The following SLC1A3 variants were observed in gnomAD, a reference collection of about 807,000 sequenced individuals.
SLC1A3 encodes the protein excitatory amino acid transporter 1.
In SLC1A3, 21 loss-of-function variants were observed where a neutral mutation model predicts 48.1. The observed-to-expected ratio is 0.44, with a 90% confidence interval of 0.31 to 0.63. SLC1A3 has a LOEUF of 0.63. SLC1A3 is among the 20% of genes least tolerant of loss of function. The probability of loss-of-function intolerance (pLI) is 0.08; values close to 1 mark genes in which losing one functional copy is unlikely to be tolerated. For synonymous variants in SLC1A3, 239 were observed against 251.4 expected (o/e 0.95, Z 0.47); for missense variants, 546 against 689.0 (o/e 0.79, Z 2.32).
chr5:36,686,053 C>T lies in SLC1A3; in HGVS notation c.1425-12C>T, dbSNP rs1368989772. 6 of 1,613,148 alleles carry T rather than the reference C, an allele frequency of 3.7e-6. No individual in the cohort carries two copies. The East Asian group carries it at 8.9e-5, about 24-fold the overall frequency. ...GAGCCTCGTTTTTCCCTCCTCCCCA[C>T]CCTGCCTGCAGGGATCGCCTCCGGA... is the stretch of plus-strand genomic sequence containing the variant. On this transcript the variant is annotated splice_polypyrimidine_tract_variant and intron_variant, in intron 9 of 9. Transcript: ENST00000265113.
upstream of SLC1A3, among the ~76,000 whole-genome samples, chr5:36,601,947 TA>T (rs928299044): frequency 6.6e-6 from 1 of 152,174 alleles, no homozygotes; most frequent in African/African-American, 2.4e-5. Flanking sequence ...TTCTGGTTCC[TA>T]AGTATGCAGT....
intron 3 of SLC1A3, among the ~76,000 whole-genome samples, chr5:36,638,597 T>C (rs552444811): frequency 6.6e-6 from 1 of 152,218 alleles, no homozygotes; most frequent in East Asian, 1.9e-4. Flanking sequence ...ACTAGGACCA[T>C]GTTTGATGTA....
At position 36,686,230 on chromosome 5, in the gene SLC1A3, T is replaced by A. The variant is rs759424705; in HGVS notation, c.1590T>A (p.Asn530Lys). ...CATATCAACTGATTGCACAGGACAA[T>A]GAAACTGAGAAACCCATCGACAGTG... ...KKPYQLIAQDNETEKPIDSET... is the reference protein window; with the variant it reads ...KKPYQLIAQDKETEKPIDSET... The change falls in exon 10 of 10, where the codon AAT becomes AAA. Residue 530 changes from asparagine (N) to lysine (K), a missense_variant. Asn to Lys is a moderately conservative substitution (Grantham distance 94). Coordinates refer to ENST00000265113, the MANE Select transcript of SLC1A3 (RefSeq NM_004172.5). The A allele has an allele frequency of 6.2e-7, 1 of 1,614,118 alleles. No individual in the cohort carries two copies. Among genetic ancestry groups the A allele is most frequent in the African/African-American group, 1.3e-5 (1 of 75,042 alleles).
chr5:36,598,697 C>T (rs1738771230), intron 1 of SLC1A3, among the ~76,000 whole-genome samples: 1 of 152,206 alleles, frequency 6.6e-6, no homozygotes, highest in East Asian at 1.9e-4. Context: ...ACACAGCTCT[C>T]TGCAGCCTTG....
At chr5:36,650,268 G>C (rs1169421948) in intron 3 of SLC1A3, among the ~76,000 whole-genome samples, 2 of 152,114 alleles carry the variant, frequency 1.3e-5, no homozygotes, top group Admixed American at 6.5e-5. Context: ...CTTTCCACTG[G>C]GGTCATTTAT....
At chr5:36,661,560 A>G (rs1245621126) in intron 3 of SLC1A3, among the ~76,000 whole-genome samples, 1 of 152,240 alleles carries the variant, frequency 6.6e-6, no homozygotes, top group Non-Finnish European at 1.5e-5. Context: ...CTAACGTTGG[A>G]ATCTGGTTCC....
intron 3 of SLC1A3, among the ~76,000 whole-genome samples, chr5:36,660,617 G>A: frequency 6.6e-6 from 1 of 152,202 alleles, no homozygotes; most frequent in Middle Eastern, 3.2e-3. Flanking sequence ...CAGAAACAGG[G>A]AAGCCGACCA....
At chr5:36,617,156 C>T (rs1027575729) in intron 2 of SLC1A3, among the ~76,000 whole-genome samples, 4 of 152,034 alleles carry the variant, frequency 2.6e-5, no homozygotes, top group African/African-American at 7.2e-5. Context: ...TTTTCAGATT[C>T]GCTTCCTTGT....
At chr5:36,622,430 A>C (rs895596455) in intron 2 of SLC1A3, among the ~76,000 whole-genome samples, 2 of 152,334 alleles carry the variant, frequency 1.3e-5, no homozygotes, top group Admixed American at 1.3e-4. Flanking sequence ...AAATTTTACT[A>C]TTTCAAACTC....
chr5:36,622,812 C>A (rs1478817893), intron 2 of SLC1A3, among the ~76,000 whole-genome samples: 1 of 151,708 alleles, frequency 6.6e-6, no homozygotes, highest in Non-Finnish European at 1.5e-5. Flanking sequence ...GAGATCGAGA[C>A]CATCTTGTCT....
At chr5:36,666,869 T>C (rs1741771868) in intron 3 of SLC1A3, among the ~76,000 whole-genome samples, 2 of 152,230 alleles carry the variant, frequency 1.3e-5, no homozygotes, top group African/African-American at 4.8e-5. Flanking sequence ...ATATTTGTTG[T>C]GACAAATCAA....
At chr5:36,685,058 G>A (rs969462832) in intron 9 of SLC1A3, among the ~76,000 whole-genome samples, 6 of 152,170 alleles carry the variant, frequency 3.9e-5, no homozygotes, top group African/African-American at 1.2e-4. Context: ...AACAGCATTT[G>A]ATCTATATGG....
intron 6 of SLC1A3, among the ~76,000 whole-genome samples, chr5:36,677,536 G>A: frequency 6.6e-6 from 1 of 152,166 alleles, no homozygotes; most frequent in East Asian, 1.9e-4. Flanking sequence ...TGTGGATATA[G>A]CAATAAAGAA....
At chr5:36,652,237 A>G (rs1741109477) in intron 3 of SLC1A3, among the ~76,000 whole-genome samples, 1 of 152,004 alleles carries the variant, frequency 6.6e-6, no homozygotes, top group Admixed American at 6.6e-5. Flanking sequence ...ATTGCCAGCT[A>G]GTTTGCTTCC....
chr5:36,625,817 A>T (rs1292682184), intron 2 of SLC1A3, among the ~76,000 whole-genome samples: 2 of 152,204 alleles, frequency 1.3e-5, no homozygotes, highest in African/African-American at 4.8e-5. Context: ...ACTATAGAGA[A>T]GAACTTTTAG....
At position 36,630,146 on chromosome 5, in the gene SLC1A3, G is replaced by A. The variant is rs554884203; in HGVS notation, c.319+559G>A. ...CCTTCTCCAGTTGCCTCCCACCCCC[G>A]TTACCTTTTATGCTAGTGGGAGAAG... On this transcript the variant is annotated intron_variant, in intron 3 of 9. Coordinates refer to ENST00000265113, the MANE Select transcript of SLC1A3 (RefSeq NM_004172.5). 1.4e-4 allele frequency: 22 copies of A among 158,122 alleles called. No homozygotes were observed. In the South Asian group the frequency reaches 1.7e-3, roughly 12 times the overall value. The allele number at this position is 158,122 out of a possible 1,614,324, so 9.8% of individuals were successfully genotyped here.
chr5:36,658,140 C>T (rs772245825), intron 3 of SLC1A3, among the ~76,000 whole-genome samples: 7 of 152,016 alleles, frequency 4.6e-5, no homozygotes, highest in Non-Finnish European at 1.0e-4. Flanking sequence ...TAAAACAAAG[C>T]GCCCCACGAA....
At chr5:36,684,687 T>C (rs147629504) in intron 9 of SLC1A3, among the ~76,000 whole-genome samples, 2,275 of 152,308 alleles carry the variant, frequency 0.015, 65 homozygotes, top group African/African-American at 0.052. Flanking sequence ...AGAGTACGTG[T>C]TGGAGTTAAC....
At chr5:36,658,731 G>A (rs1172443928) in intron 3 of SLC1A3, among the ~76,000 whole-genome samples, 1 of 152,326 alleles carries the variant, frequency 6.6e-6, no homozygotes, top group East Asian at 1.9e-4. Context: ...AGAGTTGGGG[G>A]AGAAATGCTG....
Sources: gnomAD v4.1 joint callset for allele counts (sites outside exome capture counted in the v4.1 genomes callset) on GRCh38, gnomAD v4.1.1 for gene constraint, MANE v1.5 for transcripts, NCBI Gene and HGNC (gene_info 2026-07-23, HGNC 2026-07-21) for gene names.